The following CFAP299 variants were observed in gnomAD, a reference collection of about 807,000 sequenced individuals.
CFAP299 encodes the protein cilia- and flagella-associated protein 299.
CFAP299 carries 21 observed loss-of-function variants against 27.0 expected under a neutral mutation model. The observed-to-expected ratio is 0.78, with a 90% CI of 0.55 to 1.12. The LOEUF (loss-of-function observed/expected upper bound fraction) is 1.12. Among genes scored for constraint, CFAP299 ranks in the 50% most tolerant of loss-of-function variants. The pLI is 0.00. For synonymous variants in CFAP299, 104 were observed against 98.1 expected, an observed-to-expected ratio of 1.06 and a Z score of -0.36; for missense variants, 310 against 276.6, an observed-to-expected ratio of 1.12 and a Z score of -0.86.
At position 80,372,373 on chromosome 4, in the gene CFAP299, G is replaced by A. The variant is rs143677255; in HGVS notation, c.242+9489G>A. On this transcript the variant is annotated intron_variant, in intron 2 of 5. Transcript: ENST00000358105. ...GTGGGAATGCAGATTCAAACCATAC[G>A]AATGGGTTCCCTGGTCGGGATGCAA... is the stretch of plus-strand genomic sequence containing the variant. Among the ~76,000 whole-genome samples the A allele has an allele frequency of 1.1e-3, 166 of 152,334 alleles. 1 individual carries two copies. Among genetic ancestry groups the A allele is most frequent in the African/African-American group, 3.7e-3 (154 of 41,578 alleles).
At chr4:80,682,468 C>A (rs1437512506) in intron 3 of CFAP299, among the ~76,000 whole-genome samples, 5 of 152,156 alleles carry the variant, frequency 3.3e-5, no homozygotes, top group African/African-American at 9.7e-5. Context: ...ATTCAACCAA[C>A]CCCTTTGGTT....
At chr4:80,335,721 T>A (rs765446256), upstream of CFAP299, 2 of 1,137,774 alleles carry the variant, frequency 1.8e-6, no homozygotes, top group South Asian at 2.5e-5. Flanking sequence ...CTCCTGACCC[T>A]GCCCTCCTGC....
At chr4:80,831,097 C>A (rs934541461) in intron 3 of CFAP299, among the ~76,000 whole-genome samples, 3 of 152,106 alleles carry the variant, frequency 2.0e-5, no homozygotes, top group African/African-American at 7.2e-5. Context: ...CCTAGACAGT[C>A]TCTTCTCAAA....
At chr4:80,627,526 A>G (rs1329791493) in intron 3 of CFAP299, among the ~76,000 whole-genome samples, 1 of 152,014 alleles carries the variant, frequency 6.6e-6, no homozygotes, top group African/African-American at 2.4e-5. Flanking sequence ...AAGACATACA[A>G]ATTGGAAAGG....
At chr4:80,390,750 TAC>T (rs1311352022) in intron 2 of CFAP299, among the ~76,000 whole-genome samples, 10 of 117,392 alleles carry the variant, frequency 8.5e-5, no homozygotes, top group East Asian at 2.9e-4. Flanking sequence ...TATGTATATA[TAC>T]ACACATATGT....
chr4:80,499,472 A>G (rs143163762), intron 2 of CFAP299, among the ~76,000 whole-genome samples: 2,208 of 152,210 alleles, frequency 0.015, 32 homozygotes, highest in South Asian at 0.077. Context: ...TTTAAATATA[A>G]TGTTTCTAAT....
intron 3 of CFAP299, among the ~76,000 whole-genome samples, chr4:80,599,640 T>G (rs904442888): frequency 6.6e-6 from 1 of 152,090 alleles, no homozygotes; most frequent in Non-Finnish European, 1.5e-5. Flanking sequence ...ATATTAACAA[T>G]GAGTACAAAT....
intron 3 of CFAP299, among the ~76,000 whole-genome samples, chr4:80,842,677 A>G (rs1462950760): frequency 6.6e-6 from 1 of 152,126 alleles, no homozygotes; most frequent in Admixed American, 6.6e-5. Context: ...CAGCCAGCTG[A>G]AATCTTAAGA....
At chr4:80,599,899 A>T (rs1411822173) in intron 3 of CFAP299, among the ~76,000 whole-genome samples, 5 of 152,160 alleles carry the variant, frequency 3.3e-5, no homozygotes, top group Non-Finnish European at 7.4e-5. Context: ...TTGATTATCA[A>T]TGGGAAACTT....
chr4:80,498,191 A>G (rs937481773), intron 2 of CFAP299, among the ~76,000 whole-genome samples: 2 of 152,188 alleles, frequency 1.3e-5, no homozygotes, highest in African/African-American at 4.8e-5. Flanking sequence ...GACTTGGCAA[A>G]TAAATTATGA....
chr4:80,436,440 C>A (rs909430111), intron 2 of CFAP299, among the ~76,000 whole-genome samples: 1 of 151,792 alleles, frequency 6.6e-6, no homozygotes, highest in South Asian at 2.1e-4. Context: ...CTGGGACTAC[C>A]GGCACCCATC....
At chr4:80,920,512 C>T (rs1415112561) in intron 4 of CFAP299, among the ~76,000 whole-genome samples, 3 of 152,118 alleles carry the variant, frequency 2.0e-5, no homozygotes, top group African/African-American at 4.8e-5. Context: ...GGTGCTCTTT[C>T]GTCTTCTAAT....
chr4:80,568,345 T>A (rs1315610509), intron 2 of CFAP299, among the ~76,000 whole-genome samples: 1 of 151,972 alleles, frequency 6.6e-6, no homozygotes, highest in African/African-American at 2.4e-5. Context: ...ATGTATCATG[T>A]TTCCTTTGTT....
At chr4:80,790,408 C>A (rs889027795) in intron 3 of CFAP299, 1 of 151,924 alleles carries the variant, frequency 6.6e-6, no homozygotes, top group East Asian at 1.9e-4. Flanking sequence ...TGCTATGGAC[C>A]GAAAGTCTGT....
intron 2 of CFAP299, among the ~76,000 whole-genome samples, chr4:80,422,499 C>T (rs951922493): frequency 1.1e-4 from 16 of 152,092 alleles, no homozygotes; most frequent in African/African-American, 3.6e-4. Flanking sequence ...AGGTCTTGTA[C>T]TTTTTCAAGT....
At chr4:80,435,639 G>A (rs1179383196) in intron 2 of CFAP299, among the ~76,000 whole-genome samples, 1 of 152,184 alleles carries the variant, frequency 6.6e-6, no homozygotes, top group Non-Finnish European at 1.5e-5. Flanking sequence ...GAGGACACAA[G>A]ATAGAAAAGC....
At chr4:80,491,228 A>T (rs946290959) in intron 2 of CFAP299, among the ~76,000 whole-genome samples, 6 of 152,262 alleles carry the variant, frequency 3.9e-5, no homozygotes, top group Admixed American at 3.3e-4. Context: ...TTATAAGGAT[A>T]GTTTTATCGT....
rs532965493 is a variant in CFAP299 at position 80,860,799 on chromosome 4, G to A, written c.334-9194G>A. On this transcript the variant is annotated intron_variant, in intron 3 of 5. Transcript: ENST00000358105. ...GTCTCAGAGGAGTACCTGGCCGTGT[G>A]AGGTGTCAGTCTGCCCCTACTGGGG... 1.1e-4 allele frequency among the ~76,000 whole-genome samples: 16 copies of A among 152,306 alleles called. No homozygotes were observed. In the South Asian group the frequency reaches 3.1e-3, roughly 30 times the overall value.
chr4:80,420,580 T>C (rs1036355767), intron 2 of CFAP299, among the ~76,000 whole-genome samples: 2 of 152,228 alleles, frequency 1.3e-5, no homozygotes, highest in African/African-American at 4.8e-5. Flanking sequence ...TTAAGAAATG[T>C]CTATTCAGGT....
Sources: gnomAD v4.1 joint callset for allele counts (sites outside exome capture counted in the v4.1 genomes callset) on GRCh38, gnomAD v4.1.1 for gene constraint, MANE v1.5 for transcripts, NCBI Gene and HGNC (gene_info 2026-07-23, HGNC 2026-07-21) for gene names.